The following PDE1A variants were observed in gnomAD, a reference collection of about 807,000 sequenced individuals.
PDE1A encodes dual specificity calcium/calmodulin-dependent 3',5'-cyclic nucleotide phosphodiesterase 1A.
In PDE1A, 35 loss-of-function variants were observed where a neutral mutation model predicts 61.7. That is an observed-to-expected ratio of 0.57 (90% CI 0.43 to 0.75). The LOEUF is 0.75. Ranked by LOEUF, PDE1A falls within the 30% of genes least tolerant of loss-of-function variation. PDE1A has a pLI of 0.00. For synonymous variants in PDE1A, 232 were observed against 213.2 expected (o/e 1.09, Z -0.77); for missense variants, 597 against 630.6 (o/e 0.95, Z 0.57).
chr2:182,321,382 A>G (rs1412177001), intron 1 of PDE1A, among the ~76,000 whole-genome samples: 1 of 152,204 alleles, frequency 6.6e-6, no homozygotes, highest in African/African-American at 2.4e-5. Context: ...ATATGTTAGA[A>G]CAAGTCTGAT....
At chr2:182,387,280 C>G (rs1016945675) in intron 1 of PDE1A, among the ~76,000 whole-genome samples, 1 of 152,128 alleles carries the variant, frequency 6.6e-6, no homozygotes, top group African/African-American at 2.4e-5. Context: ...ACAAACACTG[C>G]GGAAGGCTGC....
At chr2:182,520,835 T>C in intron 2 of PDE1A, among the ~76,000 whole-genome samples, 1 of 152,010 alleles carries the variant, frequency 6.6e-6, no homozygotes, top group Non-Finnish European at 1.5e-5. Flanking sequence ...ACACAAATCA[T>C]CTGCTGACTG....
At chr2:182,402,563 C>T (rs933557386) in intron 1 of PDE1A, among the ~76,000 whole-genome samples, 2 of 152,160 alleles carry the variant, frequency 1.3e-5, no homozygotes, top group Non-Finnish European at 2.9e-5. Context: ...AAGCCCCAAA[C>T]CATACAAACC....
At chr2:182,357,790 T>C (rs1249400477) in intron 1 of PDE1A, among the ~76,000 whole-genome samples, 1 of 152,240 alleles carries the variant, frequency 6.6e-6, no homozygotes, top group African/African-American at 2.4e-5. Context: ...GGTTCCAGAC[T>C]TGATTTTAAT....
downstream of PDE1A, chr2:182,167,829 ATT>A (rs5836826): frequency 2.4e-3 from 1,717 of 703,482 alleles, 13 homozygotes; most frequent in African/African-American, 0.017. Context: ...GTAAAAGATA[ATT>A]TTTTTTTTTA....
At chr2:182,323,976 A>AGATTTTC in intron 1 of PDE1A, among the ~76,000 whole-genome samples, 1 of 152,174 alleles carries the variant, frequency 6.6e-6, no homozygotes, top group African/African-American at 2.4e-5. Context: ...CAGGGAATCA[A>AGATTTTC]TCAGAGACTC....
At chr2:182,663,437 T>C in the PDE1A span, among the ~76,000 whole-genome samples, 68 of 152,318 alleles carry the variant, frequency 4.5e-4, no homozygotes, top group African/African-American at 1.6e-3. Context: ...TGCCTATCTA[T>C]GGTAAACTGG....
the PDE1A span, among the ~76,000 whole-genome samples, chr2:182,668,969 A>C: frequency 6.6e-6 from 1 of 152,152 alleles, no homozygotes; most frequent in Non-Finnish European, 1.5e-5. Flanking sequence ...GGGACTGTGC[A>C]CCTGTGCTCC....
intron 2 of PDE1A, among the ~76,000 whole-genome samples, chr2:182,444,080 G>C (rs1198910266): frequency 1.3e-5 from 2 of 152,104 alleles, no homozygotes; most frequent in Admixed American, 6.6e-5. Flanking sequence ...TATAGGCTAG[G>C]TCTCTCAAAA....
At chr2:182,176,160 C>A (rs1288831133) in intron 13 of PDE1A, among the ~76,000 whole-genome samples, 2 of 148,088 alleles carry the variant, frequency 1.4e-5, no homozygotes, top group Non-Finnish European at 2.9e-5. Context: ...ATTGACTTGG[C>A]GATGCGGGCT....
rs552830080 is a variant in PDE1A, at chr2:182,162,321, C to T, written c.1517-15169G>A. On this transcript the variant is annotated intron_variant, in intron 13 of 13. Coordinates refer to the PDE1A transcript ENST00000409365. ...GGAATTAACAGCAGAGGCAAAGCAACAATCAGAATAATCTGACTTGTGTAG... is the reference window on the plus strand; with the variant it reads ...GGAATTAACAGCAGAGGCAAAGCAATAATCAGAATAATCTGACTTGTGTAG... Among the ~76,000 whole-genome samples, 9 of 152,266 alleles carry T rather than the reference C, an allele frequency of 5.9e-5. No individual in the cohort carries two copies. In the South Asian group the frequency reaches 1.9e-3, roughly 32 times the overall value.
intron 1 of PDE1A, among the ~76,000 whole-genome samples, chr2:182,322,937 T>C (rs1696792604): frequency 1.3e-5 from 2 of 152,180 alleles, no homozygotes; most frequent in African/African-American, 4.8e-5. Context: ...TACATGTTAG[T>C]TGATTGTTAA....
intron 10 of PDE1A, among the ~76,000 whole-genome samples, chr2:182,193,980 A>G (rs569432150): frequency 3.3e-5 from 5 of 152,274 alleles, no homozygotes; most frequent in South Asian, 2.1e-4. Context: ...TTATTTTGAA[A>G]TAACACACTT....
intron 2 of PDE1A, among the ~76,000 whole-genome samples, chr2:182,474,031 A>G (rs1687204024): frequency 6.6e-6 from 1 of 151,936 alleles, no homozygotes; most frequent in South Asian, 2.1e-4. Context: ...GTCAAATCGT[A>G]TTTCTGCCTT....
chr2:182,525,601 C>T (rs73046461), upstream of PDE1A, among the ~76,000 whole-genome samples: 1 of 152,122 alleles, frequency 6.6e-6, no homozygotes, highest in Non-Finnish European at 1.5e-5. Flanking sequence ...TCTCCTTCAC[C>T]TTCCGCCAAG....
At chr2:182,267,392 T>C (rs1574200880) in intron 1 of PDE1A, among the ~76,000 whole-genome samples, 1 of 151,382 alleles carries the variant, frequency 6.6e-6, no homozygotes, top group East Asian at 1.9e-4. Flanking sequence ...CGCATATAGT[T>C]ATAACTCAGT....
At chr2:182,618,139 C>T in the PDE1A span, among the ~76,000 whole-genome samples, 1 of 152,204 alleles carries the variant, frequency 6.6e-6, no homozygotes, top group Admixed American at 6.5e-5. Context: ...TGAGAAATTA[C>T]AGGAAAACTG....
At chr2:182,602,179 C>A in the PDE1A span, among the ~76,000 whole-genome samples, 8 of 152,238 alleles carry the variant, frequency 5.3e-5, no homozygotes, top group Non-Finnish European at 1.2e-4. Context: ...GGCAGGGGGG[C>A]CTTCCCGGGC....
the PDE1A span, among the ~76,000 whole-genome samples, chr2:182,643,491 C>T: frequency 6.6e-6 from 1 of 152,104 alleles, no homozygotes; most frequent in African/African-American, 2.4e-5. Context: ...AGCTTCCTGC[C>T]CAACCGTTAT....
Sources: gnomAD v4.1 joint callset for allele counts (sites outside exome capture counted in the v4.1 genomes callset) on GRCh38, gnomAD v4.1.1 for gene constraint, MANE v1.5 for transcripts, NCBI Gene and HGNC (gene_info 2026-07-23, HGNC 2026-07-21) for gene names.